SEPTIN7: variants seen among roughly 807,000 people sequenced by gnomAD.
SEPTIN7 encodes septin-7.
A neutral mutation model predicts 63.3 loss-of-function variants in SEPTIN7; 10 were observed. That is an observed-to-expected ratio of 0.16 (90% CI 0.10 to 0.27). The LOEUF (loss-of-function observed/expected upper bound fraction) is 0.27. SEPTIN7 is among the 10% of genes least tolerant of loss of function. The pLI is 1.00. For synonymous variants in SEPTIN7, 131 were observed against 165.3 expected, an observed-to-expected ratio of 0.79 and a Z score of 1.59; for missense variants, 310 against 521.0, an observed-to-expected ratio of 0.59 and a Z score of 3.94.
At chr7:35,846,303 G>C (rs1445086846) in intron 3 of SEPTIN7, among the ~76,000 whole-genome samples, 1 of 152,072 alleles carries the variant, frequency 6.6e-6, no homozygotes, top group Non-Finnish European at 1.5e-5. Context: ...GACCTGGAAG[G>C]TCTCCCTCTG....
intron 1 of SEPTIN7, among the ~76,000 whole-genome samples, chr7:35,824,900 TA>T (rs1276763717): frequency 6.6e-6 from 1 of 152,226 alleles, no homozygotes; most frequent in Admixed American, 6.5e-5. Flanking sequence ...ATTCTTATAC[TA>T]AGTCTTTAAA....
intron 5 of SEPTIN7, 81 bp downstream of exon 5, chr7:35,872,847 A>G (rs1786237486): frequency 4.2e-6 from 4 of 946,974 alleles, no homozygotes; most frequent in Non-Finnish European, 5.1e-6. Flanking sequence ...AACATTTTAA[A>G]ACTTCTCATC....
chr7:35,889,021 T>TG (rs1320238634), intron 10 of SEPTIN7, among the ~76,000 whole-genome samples: 1 of 152,166 alleles, frequency 6.6e-6, no homozygotes, highest in African/African-American at 2.4e-5. Flanking sequence ...CAAAAGGTAA[T>TG]GGCATGTTCC....
At chr7:35,861,273 C>G (rs539479987) in intron 3 of SEPTIN7, among the ~76,000 whole-genome samples, 1 of 152,220 alleles carries the variant, frequency 6.6e-6, no homozygotes, top group African/African-American at 2.4e-5. Context: ...TCTAATAAAT[C>G]TAATATCTGT....
rs372616363 is a variant in SEPTIN7 at position 35,838,358 on chromosome 7, C to A, written c.169+5458C>A. On this transcript the variant is annotated intron_variant, in intron 3 of 13. Transcript: ENST00000350320. ...CCTCCCTCCCTCCCTCCCTCCCTCC[C>A]TCCCTCCTCCCTCCCTCCCTCCCTC... 7.5e-3 allele frequency among the ~76,000 whole-genome samples: 135 copies of A among 17,928 alleles called. 14 individuals are homozygous for A. The highest frequency in any genetic ancestry group is 0.067 in the East Asian group (38 of 570). 11.8% of individuals were successfully genotyped at this position (17,928 alleles called of 152,430 possible).
At chr7:35,912,742 T>C in the SEPTIN7 span, among the ~76,000 whole-genome samples, 1 of 152,212 alleles carries the variant, frequency 6.6e-6, no homozygotes, top group Non-Finnish European at 1.5e-5. Flanking sequence ...CCTTCTAAGT[T>C]GTAAGATCTG....
chr7:35,812,327 C>G (rs1788779644), intron 1 of SEPTIN7, among the ~76,000 whole-genome samples: 1 of 150,712 alleles, frequency 6.6e-6, no homozygotes, highest in Non-Finnish European at 1.5e-5. Flanking sequence ...CCCACCCCCC[C>G]ATTTTTTTTT....
chr7:35,866,720 A>C (rs752402842), intron 4 of SEPTIN7, among the ~76,000 whole-genome samples: 2 of 152,202 alleles, frequency 1.3e-5, no homozygotes, highest in Non-Finnish European at 2.9e-5. Flanking sequence ...TGAAGTTTTC[A>C]GTATTGATAG....
chr7:35,883,953 C>T lies in SEPTIN7; in HGVS notation c.786C>T (p.Val262=), dbSNP rs2116293192. 2.5e-6 allele frequency: 4 copies of T among 1,610,132 alleles called. No homozygotes were observed. The highest frequency in any genetic ancestry group is 3.4e-6 in the Non-Finnish European group (4 of 1,177,300). The change falls in exon 9 of 14, where the codon GTC becomes GTT. Residue 262 remains valine, a synonymous_variant. Transcript: ENST00000350320. The part of the protein sequence containing the change: ...NTIIEVNGKR[V]RGRQYPWGVA... ...TCATTGAAGTTAATGGCAAAAGGGT[C>T]AGAGGAAGGCAGTATCCTTGGGGTG...
At chr7:35,871,383 T>G (rs1345773785) in intron 4 of SEPTIN7, among the ~76,000 whole-genome samples, 4 of 152,222 alleles carry the variant, frequency 2.6e-5, no homozygotes, top group Admixed American at 6.5e-5. Context: ...TGTGGCTATT[T>G]AAGTTAATTC....
intron 1 of SEPTIN7, among the ~76,000 whole-genome samples, chr7:35,827,432 G>A (rs1348149928): frequency 6.6e-6 from 1 of 152,110 alleles, no homozygotes; most frequent in East Asian, 1.9e-4. Context: ...TTAGAATTTA[G>A]GGTATGGAAA....
At chr7:35,880,390 T>G (rs1661026774) in intron 7 of SEPTIN7, among the ~76,000 whole-genome samples, 1 of 151,972 alleles carries the variant, frequency 6.6e-6, no homozygotes, top group Non-Finnish European at 1.5e-5. Context: ...TCACTGTGAC[T>G]TTGCCAGCAT....
rs762644796 is a variant in SEPTIN7, at chr7:35,873,669, A to G, written c.406A>G (p.Ser136Gly). 6.2e-7 allele frequency: 1 copy of G among 1,610,396 alleles called. No homozygotes were observed. The highest frequency in any genetic ancestry group is 8.5e-7 in the Non-Finnish European group (1 of 1,178,932). Residue 136 changes from serine to glycine, a missense_variant, in exon 6 of 14, where the codon AGT becomes GGT. Physicochemically the swap from Ser to Gly is moderately conservative, Grantham distance 56. This residue lies in a region of SEPTIN7 where 255 missense variants were observed against 490.5 expected (regional missense o/e 0.52). Transcript: ENST00000350320. Reference sequence around the variant, plus strand: ...GCAGCCTGTTATCGACTACATTGATAGTAAATTTGAGGACTACCTAAATGC... The same window carrying G: ...GCAGCCTGTTATCGACTACATTGATGGTAAATTTGAGGACTACCTAAATGC... The part of the protein sequence containing the change: ...CWQPVIDYID[S>G]KFEDYLNAES...
Position 35,903,292 on chromosome 7 carries a change from T to G in SEPTIN7, c.1274+77T>G, listed in dbSNP as rs1168830415. On this transcript the variant is annotated intron_variant, in intron 13 of 13. Transcript: ENST00000350320. ...TGTTTTCCTACTTATTTAAAAAACA[T>G]TAGAATAACACTTAAAAAGTCATCA... is the stretch of plus-strand genomic sequence containing the variant. The G allele has an allele frequency of 1.3e-5, 19 of 1,444,708 alleles. No homozygotes were observed. In the East Asian group the frequency reaches 2.0e-4, roughly 15 times the overall value. The allele number at this position is 1,444,708 out of a possible 1,614,324, so 89.5% of individuals were successfully genotyped here.
At chr7:35,883,840 A>C (rs1787057638) in intron 8 of SEPTIN7, 51 bp from the exon 9 acceptor site, 1 of 1,071,160 alleles carries the variant, frequency 9.3e-7, no homozygotes, top group Non-Finnish European at 1.4e-6. Flanking sequence ...TTATTTTTGA[A>C]TTTGTGAGGA....
intron 6 of SEPTIN7, among the ~76,000 whole-genome samples, chr7:35,877,883 T>G (rs1786568773): frequency 6.6e-6 from 1 of 152,152 alleles, no homozygotes; most frequent in African/African-American, 2.4e-5. Context: ...CTCCTCAACT[T>G]GGGACAGGGT....
At chr7:35,821,890 T>C (rs1231488650) in intron 1 of SEPTIN7, among the ~76,000 whole-genome samples, 1 of 152,214 alleles carries the variant, frequency 6.6e-6, no homozygotes, top group Non-Finnish European at 1.5e-5. Context: ...ATGATTCTCC[T>C]GCCTCAGCCT....
chr7:35,835,804 A>G (rs550413211), intron 3 of SEPTIN7, among the ~76,000 whole-genome samples: 36 of 152,318 alleles, frequency 2.4e-4, no homozygotes, highest in African/African-American at 6.0e-4. Context: ...TAGCTTCCAC[A>G]TAGTTTGATA....
rs1354308435 is a variant in SEPTIN7 at position 35,838,292 on chromosome 7, CCTT to C, written c.169+5394_169+5396del. Reference sequence around the variant, plus strand: ...TCCTTCCTTCCTTCCTTCCTTCCTTCCTTCCTTCCTTCCCTCCCTCCCTCCCTC... The same window carrying C: ...TCCTTCCTTCCTTCCTTCCTTCCTTCCCTTCCTTCCCTCCCTCCCTCCCTC... On this transcript the variant is annotated intron_variant, in intron 3 of 13. Transcript: ENST00000350320. Among the ~76,000 whole-genome samples, 8 of 13,728 alleles carry C rather than the reference CCTT, an allele frequency of 5.8e-4. 1 individual carries two copies. Among genetic ancestry groups the C allele is most frequent in the Admixed American group, 4.7e-3 (8 of 1,692 alleles). 9.0% of individuals were successfully genotyped at this position (13,728 alleles called of 152,430 possible).
Sources: gnomAD v4.1 joint callset for allele counts (sites outside exome capture counted in the v4.1 genomes callset) on GRCh38, gnomAD v4.1.1 for gene constraint, gnomAD v4.1.1 regional missense constraint, MANE v1.5 for transcripts, NCBI Gene and HGNC (gene_info 2026-07-23, HGNC 2026-07-21) for gene names.